Variants in TAFA2 observed in about 807,000 individuals in gnomAD.
The protein encoded by TAFA2 is TAFA chemokine like family member 2.
In TAFA2, 7 loss-of-function variants were observed where a neutral mutation model predicts 18.8. The observed-to-expected ratio is 0.37, with a 90% CI of 0.21 to 0.70. The LOEUF is 0.70. TAFA2 is among the 30% of genes least tolerant of loss of function. The probability of loss-of-function intolerance (pLI) is 0.53; values close to 1 mark genes in which losing one functional copy is unlikely to be tolerated. For missense variants in TAFA2, 122 were observed against 158.1 expected (o/e 0.77, Z 1.23); for synonymous variants, 60 against 54.2 (o/e 1.11, Z -0.47).
rs114830925 is a variant in TAFA2, at chr12:61,872,048, C to T, written c.-1-4622G>A. 6.2e-3 allele frequency among the ~76,000 whole-genome samples: 889 copies of T among 144,386 alleles called. 10 individuals are homozygous for T. The highest frequency in any genetic ancestry group is 0.022 in the African/African-American group (828 of 38,398). The allele number at this position is 144,386 out of a possible 152,430, so 94.7% of individuals were successfully genotyped here. ...TAGAGCTTGCAGTGAGCTCATACTGCGCCACCGCACTCCATTTAATTGTTA... is the reference window on the plus strand; with the variant it reads ...TAGAGCTTGCAGTGAGCTCATACTGTGCCACCGCACTCCATTTAATTGTTA... On this transcript the variant is annotated intron_variant, in intron 1 of 4. Coordinates refer to ENST00000416284, the MANE Select transcript of TAFA2 (RefSeq NM_178539.5).
At chr12:61,747,801 C>T (rs1342024818) in intron 4 of TAFA2, among the ~76,000 whole-genome samples, 4 of 150,764 alleles carry the variant, frequency 2.7e-5, no homozygotes, top group Non-Finnish European at 5.9e-5. Flanking sequence ...ACCAGCATGG[C>T]ACGTGTATAC....
At chr12:62,100,860 T>C (rs1399060939) in intron 1 of TAFA2, among the ~76,000 whole-genome samples, 2 of 152,120 alleles carry the variant, frequency 1.3e-5, no homozygotes, top group Non-Finnish European at 2.9e-5. Flanking sequence ...GGCATAAAGG[T>C]AGGTATTATT....
intron 2 of TAFA2, among the ~76,000 whole-genome samples, chr12:61,865,997 G>A (rs1207980285): frequency 1.3e-5 from 2 of 152,230 alleles, no homozygotes; most frequent in East Asian, 1.9e-4. Context: ...GGTCTTGTTG[G>A]TTGCTGCCAA....
intron 1 of TAFA2, among the ~76,000 whole-genome samples, chr12:62,220,108 C>T (rs1372026870): frequency 6.6e-6 from 1 of 151,822 alleles, no homozygotes; most frequent in East Asian, 1.9e-4. Context: ...GAGGCAGAAA[C>T]AAGCCACCAA....
chr12:61,835,197 T>C (rs1321914149), intron 2 of TAFA2, among the ~76,000 whole-genome samples: 6 of 152,008 alleles, frequency 3.9e-5, no homozygotes, highest in Non-Finnish European at 8.8e-5. Flanking sequence ...ACCCAGAGGA[T>C]TACTGCTAAC....
Position 62,021,818 on chromosome 12 carries a change from G to A in TAFA2, c.-1-154392C>T, listed in dbSNP as rs113058491. The A allele has an allele frequency of 1.0e-3, 876 of 850,622 alleles. 5 individuals carry two copies. In the African/African-American group the frequency reaches 0.012, roughly 12 times the overall value. The allele number at this position is 850,622 out of a possible 1,614,324, so 52.7% of individuals were successfully genotyped here. On this transcript the variant is annotated intron_variant, in intron 1 of 4. Transcript: ENST00000416284. ...CAATGTAATAGTTAACACGGTCTCC[G>A]CTGTGGATCATCAGGCCATCCACAA...
chr12:62,197,969 G>C (rs766330916), intron 1 of TAFA2, among the ~76,000 whole-genome samples: 1 of 152,118 alleles, frequency 6.6e-6, no homozygotes, highest in Non-Finnish European at 1.5e-5. Flanking sequence ...TTACTACCTA[G>C]AAATGAAATG....
At chr12:62,061,268 T>C (rs1025984090) in intron 1 of TAFA2, among the ~76,000 whole-genome samples, 1 of 152,208 alleles carries the variant, frequency 6.6e-6, no homozygotes, top group African/African-American at 2.4e-5. Context: ...CCATGTTTTG[T>C]CTTTTCTACA....
chr12:61,737,211 T>C (rs1868318742), intron 4 of TAFA2, among the ~76,000 whole-genome samples: 1 of 151,948 alleles, frequency 6.6e-6, no homozygotes, highest in East Asian at 1.9e-4. Context: ...TAGTGTGCTC[T>C]TCAGTTTACC....
At position 61,888,888 on chromosome 12, in the gene TAFA2, C is replaced by T. The variant is rs192903453; in HGVS notation, c.-1-21462G>A. The stretch of plus-strand genomic sequence containing the variant: ...GTTTATTTCATGGTAAATTTCAGAG[C>T]CTATTTCTTATTCCAAAAGGTGGAC... On this transcript the variant is annotated intron_variant, in intron 1 of 4. Transcript: ENST00000416284. Among the ~76,000 whole-genome samples, 11 of 152,220 alleles carry T rather than the reference C, an allele frequency of 7.2e-5. No homozygotes were observed. The East Asian group carries it at 2.1e-3, about 29-fold the overall frequency.
chr12:62,195,039 G>T (rs1256300522), upstream of TAFA2, among the ~76,000 whole-genome samples: 1 of 152,162 alleles, frequency 6.6e-6, no homozygotes, highest in Admixed American at 6.5e-5. Context: ...AGTGTTGATG[G>T]CTGCTGATGG....
chr12:62,220,639 T>A (rs746421942), intron 1 of TAFA2, among the ~76,000 whole-genome samples: 2 of 152,222 alleles, frequency 1.3e-5, no homozygotes, highest in African/African-American at 4.8e-5. Flanking sequence ...GTAACAAATG[T>A]ACCACTCTGG....
chr12:61,983,383 G>GTCTGT (rs1555181116), intron 1 of TAFA2, among the ~76,000 whole-genome samples: 1 of 146,642 alleles, frequency 6.8e-6, no homozygotes, highest in Non-Finnish European at 1.5e-5. Flanking sequence ...CTGGGATTCT[G>GTCTGT]TTTGTTTTGT....
In TAFA2 at chr12:61,711,663, G is replaced by A. The variant is rs547507266; in HGVS notation, c.385-1246C>T. On this transcript the variant is annotated intron_variant, in intron 4 of 4. Coordinates refer to ENST00000416284, the MANE Select transcript of TAFA2 (RefSeq NM_178539.5). ...GTCTCAAATTATACTACCAAAGGGA[G>A]ATGGTACAAAAGGCAAAAAAGTGTT... 3.3e-5 allele frequency among the ~76,000 whole-genome samples: 5 copies of A among 151,862 alleles called. No individual in the cohort carries two copies. The East Asian group carries it at 7.8e-4, about 24-fold the overall frequency.
intron 2 of TAFA2, among the ~76,000 whole-genome samples, chr12:61,795,760 T>A (rs1190138359): frequency 4.8e-5 from 7 of 145,128 alleles, no homozygotes; most frequent in African/African-American, 7.6e-5. Context: ...AACTAAAAAA[T>A]GCAAAAAAAT....
intron 2 of TAFA2, among the ~76,000 whole-genome samples, chr12:61,762,902 C>T (rs1461548597): frequency 6.6e-6 from 1 of 151,956 alleles, no homozygotes; most frequent in Non-Finnish European, 1.5e-5. Context: ...CTATATTGTA[C>T]CTTCTAAGCA....
At chr12:61,889,977 G>A (rs909189063) in intron 1 of TAFA2, among the ~76,000 whole-genome samples, 2 of 152,188 alleles carry the variant, frequency 1.3e-5, no homozygotes, top group African/African-American at 4.8e-5. Context: ...CTCTATTAAA[G>A]TAGATATTTT....
intron 1 of TAFA2, among the ~76,000 whole-genome samples, chr12:61,914,651 C>T (rs534870336): frequency 5.3e-5 from 8 of 152,152 alleles, no homozygotes; most frequent in Non-Finnish European, 1.2e-4. Flanking sequence ...ATAGTAGTAC[C>T]TGACATTACG....
intron 1 of TAFA2, among the ~76,000 whole-genome samples, chr12:62,245,739 TA>T (rs202227948): frequency 0.18 from 25,830 of 147,518 alleles, 2,515 homozygotes; most frequent in African/African-American, 0.27. Context: ...TATAGATACA[TA>T]TATACATATT....
Sources: allele counts gnomAD v4.1 joint callset (sites outside exome capture counted in the v4.1 genomes callset), GRCh38; gene constraint gnomAD v4.1.1; transcripts MANE v1.5; gene names NCBI Gene and HGNC (gene_info 2026-07-23, HGNC 2026-07-21).